RPH3A: variants seen among roughly 807,000 people sequenced by gnomAD.
The protein encoded by RPH3A is rabphilin-3A.
RPH3A carries 48 observed loss-of-function variants against 102.2 expected under a neutral mutation model. The ratio of observed to expected loss-of-function variants is 0.47; its 90% CI spans 0.37 to 0.60. The LOEUF is 0.60. Among genes scored for constraint, RPH3A ranks in the 20% least tolerant of loss-of-function variants. RPH3A has a pLI of 0.00. For synonymous variants in RPH3A, 310 were observed against 324.3 expected (o/e 0.96, Z 0.47); for missense variants, 781 against 910.1 (o/e 0.86, Z 1.83).
At chr12:112,747,858 C>T (rs1201122169) in intron 1 of RPH3A, among the ~76,000 whole-genome samples, 2 of 152,230 alleles carry the variant, frequency 1.3e-5, no homozygotes, top group African/African-American at 2.4e-5. Context: ...TACAGTTATT[C>T]ATGGACCCAT....
chr12:112,681,625 A>G (rs967915919), intron 1 of RPH3A, among the ~76,000 whole-genome samples: 1 of 152,198 alleles, frequency 6.6e-6, no homozygotes, highest in Non-Finnish European at 1.5e-5. Flanking sequence ...TACAGGAATT[A>G]TGTTAATTTT....
At chr12:112,670,936 T>C (rs1464314163) in intron 1 of RPH3A, among the ~76,000 whole-genome samples, 2 of 152,140 alleles carry the variant, frequency 1.3e-5, no homozygotes, top group African/African-American at 2.4e-5. Context: ...CAAAATCGTG[T>C]TGCAAAGGGC....
intron 1 of RPH3A, among the ~76,000 whole-genome samples, chr12:112,621,891 TCCCTGAC>T (rs1345377760): frequency 2.0e-5 from 3 of 150,656 alleles, no homozygotes; most frequent in Admixed American, 6.6e-5. Context: ...CTCAAGTGGG[TCCCTGAC>T]CCCTGACCCC....
chr12:112,661,408 C>T (rs2040047836), intron 1 of RPH3A, among the ~76,000 whole-genome samples: 1 of 152,142 alleles, frequency 6.6e-6, no homozygotes. Flanking sequence ...TAACTACAGC[C>T]CCTGCTTTCT....
At chr12:112,857,698 G>C (rs1449820919) in intron 5 of RPH3A, among the ~76,000 whole-genome samples, 2 of 152,158 alleles carry the variant, frequency 1.3e-5, no homozygotes, top group African/African-American at 4.8e-5. Context: ...CCGAAGTTGT[G>C]ATAATTTGTT....
intron 1 of RPH3A, among the ~76,000 whole-genome samples, chr12:112,712,954 CTTCTTCTTCT>C (rs1176774817): frequency 6.6e-5 from 7 of 105,666 alleles, no homozygotes; most frequent in African/African-American, 9.7e-5. Context: ...TCTTCTTCTT[CTTCTTCTTCT>C]TTCTTCTTCT....
At chr12:112,883,262 G>A (rs1227875103) in intron 15 of RPH3A, 31 bp from the exon 16 acceptor site, 1 of 1,568,278 alleles carries the variant, frequency 6.4e-7, no homozygotes. Flanking sequence ...CACTGAGGTA[G>A]GTGTCTCTGT....
rs536976952 is a variant in RPH3A at position 112,749,014 on chromosome 12, T to C, written c.-139-43129T>C. On this transcript the variant is annotated intron_variant, in intron 1 of 21. Transcript: ENST00000543106. ...TGGGATCCTTGAGGATGCTCTCATG[T>C]TCTTCTTTATGTTCACTCTCCATCC... Among the ~76,000 whole-genome samples the C allele has an allele frequency of 5.6e-4, 85 of 152,244 alleles. 1 individual carries two copies. The highest frequency in any genetic ancestry group is 1.4e-3 in the Admixed American group (22 of 15,284).
chr12:112,708,602 C>T (rs2040440750), intron 1 of RPH3A, among the ~76,000 whole-genome samples: 1 of 152,152 alleles, frequency 6.6e-6, no homozygotes, highest in African/African-American at 2.4e-5. Flanking sequence ...CAGAGGGACA[C>T]CGAGTGACAT....
intron 1 of RPH3A, among the ~76,000 whole-genome samples, chr12:112,762,396 A>G (rs1412832322): frequency 6.6e-6 from 1 of 152,046 alleles, no homozygotes; most frequent in East Asian, 1.9e-4. Flanking sequence ...CTAATTTCCT[A>G]TTTCTTTTTA....
At chr12:112,613,929 G>A (rs1353971815) in intron 1 of RPH3A, among the ~76,000 whole-genome samples, 1 of 152,230 alleles carries the variant, frequency 6.6e-6, no homozygotes, top group Non-Finnish European at 1.5e-5. Context: ...GGGTGACAGA[G>A]TGAGATCCTG....
chr12:112,666,576 G>T (rs1203253296), intron 1 of RPH3A, among the ~76,000 whole-genome samples: 1 of 152,174 alleles, frequency 6.6e-6, no homozygotes, highest in African/African-American at 2.4e-5. Flanking sequence ...ATAAGCGGCA[G>T]GAAGACTTTT....
At chr12:112,763,609 G>A (rs115861402) in intron 1 of RPH3A, among the ~76,000 whole-genome samples, 1,916 of 152,306 alleles carry the variant, frequency 0.013, 45 homozygotes, top group African/African-American at 0.044. Flanking sequence ...GGAGACCCAA[G>A]TTTTATTATG....
intron 17 of RPH3A, among the ~76,000 whole-genome samples, chr12:112,889,546 A>G (rs1475180930): frequency 6.6e-6 from 1 of 152,102 alleles, no homozygotes; most frequent in Admixed American, 6.5e-5. Context: ...CAAAGTGGGG[A>G]GGTTGGATTT....
At chr12:112,597,301 G>A (rs893938086) in intron 1 of RPH3A, among the ~76,000 whole-genome samples, 1 of 152,184 alleles carries the variant, frequency 6.6e-6, no homozygotes. Flanking sequence ...TATTAAAAGA[G>A]GCCAGTTGCA....
chr12:112,584,618 G>T (rs1049290033), intron 1 of RPH3A, among the ~76,000 whole-genome samples: 1 of 152,176 alleles, frequency 6.6e-6, no homozygotes, highest in Admixed American at 6.5e-5. Flanking sequence ...GGACAGAATT[G>T]CTCCATGGGG....
At chr12:112,692,001 G>T (rs1337601562) in intron 1 of RPH3A, among the ~76,000 whole-genome samples, 7 of 152,182 alleles carry the variant, frequency 4.6e-5, no homozygotes, top group Non-Finnish European at 1.0e-4. Context: ...CCATAAAAAG[G>T]AATGAAATTC....
chr12:112,605,176 GCCAGC>G lies in RPH3A; in HGVS notation c.-140+29859_-140+29863del, dbSNP rs535358037. On this transcript the variant is annotated intron_variant, in intron 1 of 21. Transcript: ENST00000543106. Reference sequence around the variant, plus strand: ...GATCACCTGAGGTCAGGAATTCAAGGCCAGCCTGGCCAATATGATGAAACCCCATC... The same window carrying G: ...GATCACCTGAGGTCAGGAATTCAAGGCTGGCCAATATGATGAAACCCCATC... Among the ~76,000 whole-genome samples, 65 of 152,084 alleles carry G rather than the reference GCCAGC, an allele frequency of 4.3e-4. No individual in the cohort carries two copies. The East Asian group carries it at 9.7e-3, about 23-fold the overall frequency.
chr12:112,622,148 C>T (rs1380570944), intron 1 of RPH3A, among the ~76,000 whole-genome samples: 7 of 131,138 alleles, frequency 5.3e-5, no homozygotes, highest in South Asian at 2.9e-4. Flanking sequence ...AAACGCAGAG[C>T]GCCTCTCCTC....
Sources: allele counts gnomAD v4.1 joint callset (sites outside exome capture counted in the v4.1 genomes callset), GRCh38; gene constraint gnomAD v4.1.1; transcripts MANE v1.5; gene names NCBI Gene and HGNC (gene_info 2026-07-23, HGNC 2026-07-21).